The following TP63 variants were observed in gnomAD, a reference collection of about 807,000 sequenced individuals.
TP63 encodes tumor protein 63.
TP63 carries 17 observed loss-of-function variants against 82.8 expected under a neutral mutation model. The ratio of observed to expected loss-of-function variants is 0.21; its 90% confidence interval spans 0.14 to 0.31. The LOEUF (loss-of-function observed/expected upper bound fraction) is 0.31. TP63 is among the 10% of genes least tolerant of loss of function. The pLI, the probability that TP63 is intolerant of heterozygous loss-of-function variation, is 1.00. For missense variants in TP63, 648 were observed against 895.3 expected (o/e 0.72, Z 3.52); for synonymous variants, 330 against 321.7 (o/e 1.03, Z -0.28).
intron 3 of TP63, among the ~76,000 whole-genome samples, chr3:189,799,245 G>C (rs1047334699): frequency 3.9e-5 from 6 of 152,186 alleles, no homozygotes; most frequent in Middle Eastern, 3.4e-3. Flanking sequence ...ATCACAAACT[G>C]TTAATTATGG....
Position 189,831,551 on chromosome 3 carries a change from T to C in TP63, c.579+23025T>C, listed in dbSNP as rs946614409. ...AGGACACGGAAGCTCACAGGTAAAG[T>C]GACAAACCCCAGTCTTTAGGCTACT... On this transcript the variant is annotated intron_variant, in intron 4 of 13. Transcript: ENST00000264731. 6.6e-5 allele frequency among the ~76,000 whole-genome samples: 10 copies of C among 151,612 alleles called. No homozygotes were observed. The East Asian group carries it at 1.2e-3, about 18-fold the overall frequency.
chr3:189,698,530 A>G (rs1156723729), intron 1 of TP63, among the ~76,000 whole-genome samples: 2 of 152,118 alleles, frequency 1.3e-5, no homozygotes, highest in African/African-American at 4.8e-5. Flanking sequence ...TGCCTGTGTT[A>G]ACTGTCCAGC....
intron 13 of TP63, among the ~76,000 whole-genome samples, chr3:189,891,716 C>G (rs1721034603): frequency 6.6e-6 from 1 of 152,154 alleles, no homozygotes; most frequent in Non-Finnish European, 1.5e-5. Flanking sequence ...TTTTTGAACT[C>G]CTGCTCACAC....
In TP63 at chr3:189,676,133, T is replaced by C. The variant is rs571191219; in HGVS notation, c.62+44556T>C. On this transcript the variant is annotated intron_variant, in intron 1 of 13. Transcript: ENST00000264731. ...AAAAGCAAGCTAATTAAAATGTCCATCTCCTCATATACTTACCATTTTTGT... is the reference window on the plus strand; with the variant it reads ...AAAAGCAAGCTAATTAAAATGTCCACCTCCTCATATACTTACCATTTTTGT... 5.3e-5 allele frequency among the ~76,000 whole-genome samples: 8 copies of C among 152,276 alleles called. No homozygotes were observed. The South Asian group carries it at 6.2e-4, about 12-fold the overall frequency.
intron 1 of TP63, among the ~76,000 whole-genome samples, chr3:189,699,322 T>A (rs1187839635): frequency 6.6e-6 from 1 of 152,222 alleles, no homozygotes; most frequent in Non-Finnish European, 1.5e-5. Flanking sequence ...TGACTCAAAG[T>A]TATTGCTCTT....
intron 4 of TP63, among the ~76,000 whole-genome samples, chr3:189,843,401 A>G (rs927755179): frequency 2.0e-5 from 3 of 152,190 alleles, no homozygotes; most frequent in Non-Finnish European, 4.4e-5. Context: ...TCCTTGGCTC[A>G]GGTAATTAAT....
the TP63 span, among the ~76,000 whole-genome samples, chr3:189,610,390 C>A: frequency 6.6e-6 from 1 of 152,196 alleles, no homozygotes; most frequent in Non-Finnish European, 1.5e-5. Context: ...GAAATTTCTT[C>A]TGCCAAATAC....
At chr3:189,719,217 C>A (rs1288532650) in intron 1 of TP63, among the ~76,000 whole-genome samples, 1 of 152,190 alleles carries the variant, frequency 6.6e-6, no homozygotes, top group Non-Finnish European at 1.5e-5. Flanking sequence ...GGAAGCCAGG[C>A]AGCTCCTAGC....
At chr3:189,704,543 A>G (rs1292975380) in intron 1 of TP63, among the ~76,000 whole-genome samples, 1 of 152,132 alleles carries the variant, frequency 6.6e-6, no homozygotes, top group Non-Finnish European at 1.5e-5. Context: ...TCTTCATCCA[A>G]TTGTCAAAGT....
the TP63 span, among the ~76,000 whole-genome samples, chr3:189,615,529 C>T: frequency 6.6e-6 from 1 of 152,166 alleles, no homozygotes; most frequent in East Asian, 1.9e-4. Flanking sequence ...ACCACATTAA[C>T]ATAATTTTAT....
chr3:189,789,987 T>C (rs1164656179), intron 3 of TP63: 2 of 734,818 alleles, frequency 2.7e-6, no homozygotes, highest in African/African-American at 1.9e-5. Flanking sequence ...TTGGTTAATG[T>C]TTTCTGTGGT....
At chr3:189,613,112 T>G in the TP63 span, among the ~76,000 whole-genome samples, 1 of 152,318 alleles carries the variant, frequency 6.6e-6, no homozygotes, top group South Asian at 2.1e-4. Context: ...GAACCTAATG[T>G]TAATCCCCAA....
At chr3:189,626,116 C>T in the TP63 span, among the ~76,000 whole-genome samples, 1 of 152,108 alleles carries the variant, frequency 6.6e-6, no homozygotes, top group Non-Finnish European at 1.5e-5. Context: ...TAAAGTCATT[C>T]GAATACCATT....
At chr3:189,855,663 C>T (rs1375557937) in intron 4 of TP63, among the ~76,000 whole-genome samples, 1 of 151,420 alleles carries the variant, frequency 6.6e-6, no homozygotes, top group South Asian at 2.1e-4. Flanking sequence ...AAAAGAATAC[C>T]GTCTTTGTAT....
chr3:189,870,502 G>A (rs552352866), intron 9 of TP63, among the ~76,000 whole-genome samples: 65 of 152,178 alleles, frequency 4.3e-4, no homozygotes, highest in African/African-American at 1.5e-3. Flanking sequence ...AGGGACTTGA[G>A]CAACCTAGGA....
At chr3:189,763,057 G>A (rs1431885874) in intron 3 of TP63, among the ~76,000 whole-genome samples, 1 of 152,120 alleles carries the variant, frequency 6.6e-6, no homozygotes, top group Non-Finnish European at 1.5e-5. Context: ...GATAGCTTGA[G>A]CTTGGGAGTT....
chr3:189,712,522 C>G (rs1178516738), intron 1 of TP63, among the ~76,000 whole-genome samples: 1 of 152,082 alleles, frequency 6.6e-6, no homozygotes, highest in Non-Finnish European at 1.5e-5. Context: ...TTGTTTTGTC[C>G]TCACATGGTG....
intron 4 of TP63, among the ~76,000 whole-genome samples, chr3:189,819,784 C>T (rs1368384756): frequency 8.1e-6 from 1 of 123,302 alleles, no homozygotes; most frequent in Non-Finnish European, 1.6e-5. Flanking sequence ...CAGTCTCTCA[C>T]TCTGTCACTC....
intron 3 of TP63, among the ~76,000 whole-genome samples, chr3:189,763,087 C>G (rs1722697783): frequency 1.3e-5 from 2 of 152,018 alleles, no homozygotes; most frequent in Admixed American, 1.3e-4. Flanking sequence ...CCAGGGTAAC[C>G]TAGTGAGACC....
Sources: gnomAD v4.1 joint callset for allele counts (sites outside exome capture counted in the v4.1 genomes callset) on GRCh38, gnomAD v4.1.1 for gene constraint, MANE v1.5 for transcripts, NCBI Gene and HGNC (gene_info 2026-07-23, HGNC 2026-07-21) for gene names.